GRID1: variants seen among roughly 807,000 people sequenced by gnomAD.
The protein encoded by GRID1 is glutamate receptor ionotropic, delta-1.
In GRID1, 28 loss-of-function variants were observed where a neutral mutation model predicts 98.0. The ratio of observed to expected loss-of-function variants is 0.29; its 90% CI spans 0.21 to 0.39. GRID1 has a LOEUF of 0.39. GRID1 is among the 10% of genes least tolerant of loss of function. The probability of loss-of-function intolerance (pLI) is 1.00; values close to 1 mark genes in which losing one functional copy is unlikely to be tolerated. For missense variants in GRID1, 1,111 were observed against 1,340.5 expected, an observed-to-expected ratio of 0.83 and a Z score of 2.67; for synonymous variants, 553 against 538.5, an observed-to-expected ratio of 1.03 and a Z score of -0.37.
intron 4 of GRID1, among the ~76,000 whole-genome samples, chr10:86,024,398 C>T (rs1843089467): frequency 6.6e-6 from 1 of 152,200 alleles, no homozygotes; most frequent in East Asian, 1.9e-4. Flanking sequence ...GCCTCTCTGT[C>T]GCTCTCATCT....
intron 4 of GRID1, among the ~76,000 whole-genome samples, chr10:86,049,619 C>A (rs981605670): frequency 4.6e-5 from 7 of 152,278 alleles, no homozygotes; most frequent in Admixed American, 4.6e-4. Context: ...CAATGGGAAC[C>A]CTGCCAGAAT....
chr10:86,193,735 G>A (rs900612107), intron 3 of GRID1, among the ~76,000 whole-genome samples: 1 of 151,952 alleles, frequency 6.6e-6, no homozygotes, highest in African/African-American at 2.4e-5. Flanking sequence ...AGAGACCTCA[G>A]AATCCCTCCT....
chr10:85,651,761 C>T (rs566754613), intron 12 of GRID1, among the ~76,000 whole-genome samples: 1 of 152,218 alleles, frequency 6.6e-6, no homozygotes, highest in Non-Finnish European at 1.5e-5. Flanking sequence ...AGAGTCTGCA[C>T]TGGCTCATGA....
At chr10:85,789,097 C>T (rs1313717584) in intron 8 of GRID1, among the ~76,000 whole-genome samples, 1 of 152,144 alleles carries the variant, frequency 6.6e-6, no homozygotes, top group African/African-American at 2.4e-5. Flanking sequence ...GGGAAGGAGG[C>T]AGAATATAAA....
intron 12 of GRID1, among the ~76,000 whole-genome samples, chr10:85,671,048 C>T (rs1157918805): frequency 1.3e-5 from 2 of 152,222 alleles, no homozygotes; most frequent in East Asian, 3.8e-4. Context: ...CTGCCACCCT[C>T]AATCCCCCAA....
chr10:86,260,302 C>T (rs750395358), intron 2 of GRID1, among the ~76,000 whole-genome samples: 7 of 152,210 alleles, frequency 4.6e-5, no homozygotes, highest in Non-Finnish European at 8.8e-5. Flanking sequence ...ACAAACAGCA[C>T]GTACCAGTAA....
intron 2 of GRID1, among the ~76,000 whole-genome samples, chr10:86,218,127 T>C (rs1411461624): frequency 6.6e-6 from 1 of 152,052 alleles, no homozygotes; most frequent in Non-Finnish European, 1.5e-5. Context: ...CTCCTTATCA[T>C]TACTTCTGAC....
At chr10:85,874,169 T>C (rs982036701) in intron 5 of GRID1, among the ~76,000 whole-genome samples, 1 of 152,218 alleles carries the variant, frequency 6.6e-6, no homozygotes, top group Non-Finnish European at 1.5e-5. Flanking sequence ...GATTAGAAAA[T>C]AGGAACATAT....
intron 8 of GRID1, among the ~76,000 whole-genome samples, chr10:85,837,679 T>G (rs1359207806): frequency 1.3e-5 from 2 of 149,426 alleles, no homozygotes; most frequent in Non-Finnish European, 3.0e-5. Flanking sequence ...CCTCAAAGAT[T>G]GAAGTTAGAT....
At chr10:86,058,489 C>G (rs1404412773) in intron 4 of GRID1, among the ~76,000 whole-genome samples, 1 of 152,202 alleles carries the variant, frequency 6.6e-6, no homozygotes, top group African/African-American at 2.4e-5. Flanking sequence ...GCTGATTAAA[C>G]TAAAAGGTCC....
intron 2 of GRID1, among the ~76,000 whole-genome samples, chr10:86,297,713 T>A (rs572311227): frequency 6.6e-6 from 1 of 152,174 alleles, no homozygotes; most frequent in Non-Finnish European, 1.5e-5. Flanking sequence ...CAGGCAGCGT[T>A]GATAACTATA....
chr10:86,180,769 G>T (rs967225547), intron 3 of GRID1, among the ~76,000 whole-genome samples: 1 of 152,102 alleles, frequency 6.6e-6, no homozygotes, highest in Non-Finnish European at 1.5e-5. Context: ...CTGCGGCCAG[G>T]CCCGGGAACT....
intron 13 of GRID1, among the ~76,000 whole-genome samples, chr10:85,645,409 G>T (rs551136959): frequency 6.6e-6 from 1 of 152,368 alleles, no homozygotes; most frequent in South Asian, 2.1e-4. Context: ...CTTAAGGCTA[G>T]AGCATCATCC....
At chr10:85,846,340 G>A (rs1344124551) in intron 8 of GRID1, among the ~76,000 whole-genome samples, 1 of 152,060 alleles carries the variant, frequency 6.6e-6, no homozygotes, top group Non-Finnish European at 1.5e-5. Flanking sequence ...TGAAATCAGC[G>A]TCACCAGGAT....
At position 85,861,543 on chromosome 10, in the gene GRID1, G is replaced by A. The variant is rs78451927; in HGVS notation, c.952-5353C>T. Among the ~76,000 whole-genome samples the A allele has an allele frequency of 2.3e-3, 346 of 152,326 alleles. 1 individual carries two copies. Among genetic ancestry groups the A allele is most frequent in the African/African-American group, 7.6e-3 (314 of 41,570 alleles). The stretch of plus-strand genomic sequence containing the variant: ...CAGAGAGTGTGTGTTGTGTGGTGGA[G>A]GGTGGAGGGGGAAGCTTTATAATAC... On this transcript the variant is annotated intron_variant, in intron 6 of 15. Coordinates refer to ENST00000327946, the MANE Select transcript of GRID1 (RefSeq NM_017551.3).
intron 2 of GRID1, among the ~76,000 whole-genome samples, chr10:86,354,773 C>G (rs1230586120): frequency 6.6e-6 from 1 of 152,196 alleles, no homozygotes. Context: ...GCACTCAGAG[C>G]AGACAAGGCC....
intron 4 of GRID1, among the ~76,000 whole-genome samples, chr10:86,073,212 A>G (rs1267134632): frequency 6.6e-6 from 1 of 152,238 alleles, no homozygotes; most frequent in Non-Finnish European, 1.5e-5. Flanking sequence ...AGAAACATCT[A>G]AACAGACGAA....
intron 4 of GRID1, among the ~76,000 whole-genome samples, chr10:85,959,339 G>A (rs1438246810): frequency 1.3e-5 from 2 of 152,216 alleles, no homozygotes; most frequent in Non-Finnish European, 2.9e-5. Flanking sequence ...TCTGTGACCT[G>A]GCAAATAAAG....
chr10:85,982,621 A>G (rs1362533027), intron 4 of GRID1, among the ~76,000 whole-genome samples: 4 of 152,190 alleles, frequency 2.6e-5, no homozygotes, highest in Non-Finnish European at 5.9e-5. Context: ...AAGTTGGGAC[A>G]TCTCTGAGCC....
Sources: gnomAD v4.1 joint callset for allele counts (sites outside exome capture counted in the v4.1 genomes callset) on GRCh38, gnomAD v4.1.1 for gene constraint, MANE v1.5 for transcripts, NCBI Gene and HGNC (gene_info 2026-07-23, HGNC 2026-07-21) for gene names.